Variants in SGMS1 observed in about 807,000 individuals in gnomAD.
SGMS1 encodes the protein sphingomyelin synthase 1, also known as phosphatidylcholine:ceramide cholinephosphotransferase 1.
A neutral mutation model predicts 46.2 loss-of-function variants in SGMS1; 13 were observed. The ratio of observed to expected loss-of-function variants is 0.28; its 90% confidence interval spans 0.18 to 0.45. The LOEUF is 0.45. Among genes scored for constraint, SGMS1 ranks in the 20% least tolerant of loss-of-function variants. SGMS1 has a pLI of 1.00. For synonymous variants in SGMS1, 203 were observed against 187.8 expected (o/e 1.08, Z -0.66); for missense variants, 324 against 519.9 (o/e 0.62, Z 3.66).
At chr10:50,579,923 C>T (rs114622801) in intron 2 of SGMS1, among the ~76,000 whole-genome samples, 1,663 of 152,220 alleles carry the variant, frequency 0.011, 29 homozygotes, top group African/African-American at 0.039. Flanking sequence ...AAGCGTAAGA[C>T]TCCAGGTAAG....
At chr10:50,584,421 C>CTG in intron 2 of SGMS1, among the ~76,000 whole-genome samples, 1 of 150,814 alleles carries the variant, frequency 6.6e-6, no homozygotes, top group Non-Finnish European at 1.5e-5. Context: ...ATCACTTGAA[C>CTG]CCGGGAGGCA....
intron 6 of SGMS1, among the ~76,000 whole-genome samples, chr10:50,413,845 A>T (rs1228860709): frequency 1.3e-5 from 2 of 152,214 alleles, no homozygotes; most frequent in African/African-American, 4.8e-5. Context: ...TTTCTCATAC[A>T]CCAAACTATA....
chr10:50,358,224 A>C (rs771396309), intron 6 of SGMS1, among the ~76,000 whole-genome samples: 28 of 152,240 alleles, frequency 1.8e-4, no homozygotes, highest in Non-Finnish European at 4.0e-4. Flanking sequence ...GTTGACTTAA[A>C]GGAAGATCAA....
At chr10:50,458,895 AACTT>A (rs913222388) in intron 5 of SGMS1, among the ~76,000 whole-genome samples, 22 of 152,318 alleles carry the variant, frequency 1.4e-4, no homozygotes, top group Admixed American at 1.2e-3. Flanking sequence ...TATACTCTTA[AACTT>A]ACTTAAACTT....
At chr10:50,386,415 T>G (rs1261168159) in intron 6 of SGMS1, among the ~76,000 whole-genome samples, 2 of 152,180 alleles carry the variant, frequency 1.3e-5, no homozygotes, top group Non-Finnish European at 2.9e-5. Context: ...AAAATCAGTA[T>G]GTGATGCCAT....
chr10:50,359,716 C>G (rs888593131), intron 6 of SGMS1, among the ~76,000 whole-genome samples: 8 of 151,324 alleles, frequency 5.3e-5, no homozygotes, highest in African/African-American at 1.7e-4. Context: ...AATCTAAAAG[C>G]TCTAGAGTAG....
At chr10:50,373,998 A>T (rs1564893584) in intron 6 of SGMS1, among the ~76,000 whole-genome samples, 1 of 152,186 alleles carries the variant, frequency 6.6e-6, no homozygotes, top group Non-Finnish European at 1.5e-5. Flanking sequence ...TTATGAAAGC[A>T]CTCTGGCAAA....
At chr10:50,507,174 T>A (rs1289770670) in intron 3 of SGMS1, among the ~76,000 whole-genome samples, 3 of 152,038 alleles carry the variant, frequency 2.0e-5, no homozygotes, top group African/African-American at 7.2e-5. Flanking sequence ...ATCAAACCAT[T>A]CCTCACAGAG....
chr10:50,308,874 T>C (rs1222876397), intron 9 of SGMS1, among the ~76,000 whole-genome samples: 1 of 152,210 alleles, frequency 6.6e-6, no homozygotes, highest in African/African-American at 2.4e-5. Context: ...CTATACTCTC[T>C]ACACCAGCAT....
At chr10:50,466,313 G>T (rs1837328709) in intron 4 of SGMS1, among the ~76,000 whole-genome samples, 1 of 151,858 alleles carries the variant, frequency 6.6e-6, no homozygotes, top group Admixed American at 6.6e-5. Context: ...ATAAATAAAT[G>T]AAAGGAAAGA....
At chr10:50,337,872 CA>C (rs56330245) in intron 7 of SGMS1, among the ~76,000 whole-genome samples, 19,544 of 102,630 alleles carry the variant, frequency 0.19, 1,332 homozygotes, top group African/African-American at 0.27. Context: ...GGTTAAAATA[CA>C]AAAAAAAAAA....
intron 6 of SGMS1, among the ~76,000 whole-genome samples, chr10:50,401,732 T>C (rs976342648): frequency 2.0e-5 from 3 of 152,236 alleles, no homozygotes; most frequent in African/African-American, 4.8e-5. Flanking sequence ...CCTTCTTCAA[T>C]GCCAACTGGT....
chr10:50,572,236 A>C (rs548647116), intron 2 of SGMS1, among the ~76,000 whole-genome samples: 131 of 152,324 alleles, frequency 8.6e-4, no homozygotes, highest in African/African-American at 3.0e-3. Flanking sequence ...AACCAAGGAT[A>C]CTAGAGTACT....
chr10:50,347,528 G>A (rs941438709), intron 6 of SGMS1, among the ~76,000 whole-genome samples: 7 of 152,166 alleles, frequency 4.6e-5, no homozygotes, highest in Admixed American at 1.3e-4. Context: ...GGAAGAAAAG[G>A]GGAACTCCTT....
At chr10:50,412,525 T>C (rs2133573878) in intron 6 of SGMS1, among the ~76,000 whole-genome samples, 1 of 152,312 alleles carries the variant, frequency 6.6e-6, no homozygotes, top group South Asian at 2.1e-4. Context: ...TACACACTGC[T>C]ATAGCTTGCT....
At chr10:50,565,605 G>A (rs1356911282) in intron 2 of SGMS1, among the ~76,000 whole-genome samples, 1 of 152,180 alleles carries the variant, frequency 6.6e-6, no homozygotes, top group Non-Finnish European at 1.5e-5. Flanking sequence ...TATACGCTCT[G>A]AACCCTTCAT....
At chr10:50,446,436 C>T (rs1588830359) in intron 5 of SGMS1, among the ~76,000 whole-genome samples, 3 of 152,058 alleles carry the variant, frequency 2.0e-5, no homozygotes, top group Non-Finnish European at 2.9e-5. Flanking sequence ...GGACCCATAT[C>T]GAATATCAGG....
At chr10:50,374,428 G>A (rs1848492489) in intron 6 of SGMS1, among the ~76,000 whole-genome samples, 1 of 151,356 alleles carries the variant, frequency 6.6e-6, no homozygotes, top group Non-Finnish European at 1.5e-5. Context: ...TCCAATCTGT[G>A]CTCCCCCCAC....
intron 6 of SGMS1, among the ~76,000 whole-genome samples, chr10:50,421,519 C>T (rs1302956244): frequency 1.3e-5 from 2 of 152,188 alleles, no homozygotes; most frequent in Non-Finnish European, 2.9e-5. Context: ...TTTCCCACCA[C>T]TTCCTTAAAC....
Sources: gnomAD v4.1 joint callset for allele counts (sites outside exome capture counted in the v4.1 genomes callset) on GRCh38, gnomAD v4.1.1 for gene constraint, MANE v1.5 for transcripts, NCBI Gene and HGNC (gene_info 2026-07-23, HGNC 2026-07-21) for gene names.